Variants in FIP1L1 observed in about 807,000 individuals in gnomAD.
FIP1L1 encodes the protein pre-mRNA 3'-end-processing factor FIP1.
A neutral mutation model predicts 84.6 loss-of-function variants in FIP1L1; 21 were observed. The observed-to-expected ratio is 0.25, with a 90% confidence interval of 0.18 to 0.36. The LOEUF is 0.36. Among genes scored for constraint, FIP1L1 ranks in the 10% least tolerant of loss-of-function variants. The pLI, the probability that FIP1L1 is intolerant of heterozygous loss-of-function variation, is 1.00. For synonymous variants in FIP1L1, 263 were observed against 242.3 expected, an observed-to-expected ratio of 1.09 and a Z score of -0.80; for missense variants, 526 against 751.1, an observed-to-expected ratio of 0.70 and a Z score of 3.50.
chr4:53,398,542 C>T (rs1578299334), intron 9 of FIP1L1, among the ~76,000 whole-genome samples: 1 of 152,100 alleles, frequency 6.6e-6, no homozygotes, highest in East Asian at 1.9e-4. Context: ...ATTCTCTTGG[C>T]CTTTGCCTCA....
chr4:53,394,418 T>A (rs1006712019), intron 9 of FIP1L1, among the ~76,000 whole-genome samples: 2 of 152,200 alleles, frequency 1.3e-5, no homozygotes, highest in African/African-American at 4.8e-5. Flanking sequence ...TTTTTCACAT[T>A]CCCTGATGTC....
intron 11 of FIP1L1, among the ~76,000 whole-genome samples, chr4:53,421,768 A>ATTCAAGCAATAT (rs1302793883): frequency 1.2e-4 from 19 of 152,210 alleles, no homozygotes; most frequent in African/African-American, 4.1e-4. Context: ...TCAAGCAATA[A>ATTCAAGCAATAT]TTCAAGCAAT....
At chr4:53,403,300 C>T (rs576713475) in intron 10 of FIP1L1, among the ~76,000 whole-genome samples, 1 of 152,182 alleles carries the variant, frequency 6.6e-6, no homozygotes, top group East Asian at 1.9e-4. Context: ...TCCTTGGTTT[C>T]AATTACCTGT....
chr4:53,450,984 T>C lies in FIP1L1; in HGVS notation c.1286-1936T>C, dbSNP rs372847978. On this transcript the variant is annotated intron_variant, in intron 15 of 17. Coordinates refer to ENST00000337488, the MANE Select transcript of FIP1L1 (RefSeq NM_030917.4). ...TACTCTTTTTTTTTTTTTTTTGAGA[T>C]GGAGTCTCACTCTGTTGTCATGCTG... Among the ~76,000 whole-genome samples the C allele has an allele frequency of 2.1e-4, 31 of 150,430 alleles. No homozygotes were observed. In the East Asian group the frequency reaches 5.5e-3, roughly 26 times the overall value.
chr4:53,417,961 C>T (rs2149817694), intron 11 of FIP1L1, among the ~76,000 whole-genome samples: 1 of 152,198 alleles, frequency 6.6e-6, no homozygotes, highest in Middle Eastern at 3.4e-3. Flanking sequence ...TTGTAAAGAG[C>T]AAGTAAATAA....
intron 10 of FIP1L1, among the ~76,000 whole-genome samples, chr4:53,407,441 G>A (rs1578445156): frequency 2.0e-5 from 3 of 152,202 alleles, no homozygotes; most frequent in East Asian, 3.9e-4. Context: ...TATGTGGTCA[G>A]TTTTGGAATA....
intron 12 of FIP1L1, 59 bp from the exon 13 acceptor site, chr4:53,427,968 T>A: frequency 1.5e-6 from 2 of 1,315,914 alleles, no homozygotes; most frequent in Non-Finnish European, 2.1e-6. Flanking sequence ...ATTAATTTAC[T>A]AAGATTAATC....
chr4:53,446,738 TA>T (rs1345932383), intron 15 of FIP1L1, among the ~76,000 whole-genome samples: 1 of 152,198 alleles, frequency 6.6e-6, no homozygotes, highest in East Asian at 1.9e-4. Flanking sequence ...TCAATACAGA[TA>T]AACATGAGGA....
chr4:53,437,966 C>A (rs1770184395), intron 13 of FIP1L1, among the ~76,000 whole-genome samples: 1 of 151,996 alleles, frequency 6.6e-6, no homozygotes, highest in Non-Finnish European at 1.5e-5. Context: ...ACTTTGTGAT[C>A]TACCTGCCTT....
chr4:53,419,017 AG>A (rs1761028352), intron 11 of FIP1L1, among the ~76,000 whole-genome samples: 1 of 152,106 alleles, frequency 6.6e-6, no homozygotes, highest in Non-Finnish European at 1.5e-5. Context: ...GGACATATGA[AG>A]GCCTTTGGGG....
intron 10 of FIP1L1, among the ~76,000 whole-genome samples, chr4:53,405,383 C>A (rs1232773172): frequency 6.6e-6 from 1 of 152,140 alleles, no homozygotes; most frequent in East Asian, 1.9e-4. Context: ...TGTTTTGGTA[C>A]CAGTACCATG....
At chr4:53,420,012 C>T (rs571434766) in intron 11 of FIP1L1, among the ~76,000 whole-genome samples, 106 of 151,530 alleles carry the variant, frequency 7.0e-4, no homozygotes, top group African/African-American at 2.4e-3. Context: ...ATCGAGACCA[C>T]GGTGCAACCC....
chr4:53,382,270 GT>G lies in FIP1L1; in HGVS notation c.171-5del. ...CCTGACATGTATACTTACTTTTGTT[GT>G]TTGTAGTGCTAATCCTCCATCTGGA... On this transcript the variant is annotated splice_polypyrimidine_tract_variant and splice_region_variant and intron_variant, in intron 3 of 17. Transcript: ENST00000337488. The G allele has an allele frequency of 6.2e-7, 1 of 1,609,398 alleles. No individual in the cohort carries two copies. Among genetic ancestry groups the G allele is most frequent in the Non-Finnish European group, 8.5e-7 (1 of 1,175,864 alleles).
chr4:53,405,284 GT>G (rs1752666835), intron 10 of FIP1L1, among the ~76,000 whole-genome samples: 1 of 151,996 alleles, frequency 6.6e-6, no homozygotes, highest in Admixed American at 6.5e-5. Flanking sequence ...CCCATTGCTT[GT>G]TTTTCTCAGG....
intron 15 of FIP1L1, among the ~76,000 whole-genome samples, chr4:53,447,209 CATCTGTT>C (rs1774588640): frequency 6.6e-6 from 1 of 151,804 alleles, no homozygotes. Context: ...ACTTACATAC[CATCTGTT>C]ATCTTTCAAT....
chr4:53,417,010 A>G (rs192816159), intron 11 of FIP1L1, among the ~76,000 whole-genome samples: 30 of 152,308 alleles, frequency 2.0e-4, no homozygotes, highest in African/African-American at 7.0e-4. Flanking sequence ...TGTAATTTTA[A>G]ACTTTGTTTC....
intron 5 of FIP1L1, among the ~76,000 whole-genome samples, chr4:53,388,117 CTTTTT>C (rs1742092112): frequency 6.6e-6 from 1 of 151,946 alleles, no homozygotes; most frequent in East Asian, 1.9e-4. Context: ...TTACATTTTT[CTTTTT>C]TAAGTAGAAA....
chr4:53,391,278 T>G, intron 8 of FIP1L1, 139 bp downstream of exon 8: 1 of 1,208,448 alleles, frequency 8.3e-7, no homozygotes, highest in South Asian at 1.5e-5. Context: ...ATGTTTGTTT[T>G]TCCCTTCCCT....
At chr4:53,440,792 A>T in intron 13 of FIP1L1, 1 of 557,864 alleles carries the variant, frequency 1.8e-6, no homozygotes, top group Non-Finnish European at 3.2e-6. Flanking sequence ...GTTTTCTTAT[A>T]CCTGTCTTAC....
Sources: gnomAD v4.1 joint callset for allele counts (sites outside exome capture counted in the v4.1 genomes callset) on GRCh38, gnomAD v4.1.1 for gene constraint, MANE v1.5 for transcripts, NCBI Gene and HGNC (gene_info 2026-07-23, HGNC 2026-07-21) for gene names.